STEAP3: variants seen among roughly 807,000 people sequenced by gnomAD.
The protein encoded by STEAP3 is STEAP3 metalloreductase, also known as metalloreductase STEAP3.
A neutral mutation model predicts 34.9 loss-of-function variants in STEAP3; 35 were observed. The observed-to-expected ratio is 1.00, with a 90% confidence interval of 0.76 to 1.33. STEAP3 has a LOEUF of 1.33. STEAP3 is among the 40% of genes most tolerant of loss of function. The probability of loss-of-function intolerance (pLI) is 0.00; values close to 1 mark genes in which losing one functional copy is unlikely to be tolerated. For synonymous variants in STEAP3, 281 were observed against 301.6 expected (o/e 0.93, Z 0.71); for missense variants, 652 against 667.6 (o/e 0.98, Z 0.26).
intron 2 of STEAP3, among the ~76,000 whole-genome samples, chr2:119,240,207 A>G (rs957065982): frequency 2.6e-5 from 4 of 152,252 alleles, no homozygotes; most frequent in Non-Finnish European, 5.9e-5. Context: ...CGTCTCAATA[A>G]ATAAATAACT....
At chr2:119,243,781 ACACAGCTGCTT>A (rs1345255134) in intron 2 of STEAP3, among the ~76,000 whole-genome samples, 3 of 152,244 alleles carry the variant, frequency 2.0e-5, no homozygotes, top group Non-Finnish European at 4.4e-5. Context: ...GTCTGAAGAC[ACACAGCTGCTT>A]CATAGCAGAG....
At chr2:119,257,324 G>A in intron 5 of STEAP3, 2 of 1,198,130 alleles carry the variant, frequency 1.7e-6, no homozygotes, top group Admixed American at 3.9e-5. Context: ...CAAATAGGCT[G>A]AAGCCAGAGC....
In STEAP3 at chr2:119,245,683, C is replaced by G. The variant is rs138657061; in HGVS notation, c.217C>G (p.Arg73Gly). The G allele has an allele frequency of 3.1e-6, 5 of 1,613,762 alleles. No homozygotes were observed. The South Asian group carries it at 4.4e-5, about 14-fold the overall frequency. The change falls in exon 3 of 6, where the codon CGC (arginine) becomes GGC (glycine). Residue 73 changes from arginine to glycine, a missense_variant. Transcript: ENST00000393110. ...KVVVGSRNPK[R>G]TARLFPSAAQ... ...GGTGGTGGGGAGCCGCAACCCCAAA[C>G]GCACAGCCAGGCTGTTTCCCTCAGC...
At chr2:119,258,627 AGACGGAGTCT>A (rs1677847218) in intron 5 of STEAP3, among the ~76,000 whole-genome samples, 2 of 53,740 alleles carry the variant, frequency 3.7e-5, no homozygotes, top group Non-Finnish European at 6.6e-5. Flanking sequence ...TTTTTTTTTG[AGACGGAGTCT>A]CACTCCGTCA....
chr2:119,249,685 C>T (rs576818187), intron 4 of STEAP3, among the ~76,000 whole-genome samples: 1 of 152,290 alleles, frequency 6.6e-6, no homozygotes, highest in Non-Finnish European at 1.5e-5. Context: ...CTGGGCACCT[C>T]CTGAGAACCA....
chr2:119,261,186 G>A (rs774399581), intron 5 of STEAP3, among the ~76,000 whole-genome samples: 1 of 152,052 alleles, frequency 6.6e-6, no homozygotes. Context: ...GAGCAAGAAC[G>A]GGGCCCAATG....
At chr2:119,247,317 G>A (rs894247761) in intron 3 of STEAP3, among the ~76,000 whole-genome samples, 1 of 152,238 alleles carries the variant, frequency 6.6e-6, no homozygotes, top group Non-Finnish European at 1.5e-5. Context: ...GCGGCTCCCA[G>A]GGCAGGCCAC....
intron 2 of STEAP3, among the ~76,000 whole-genome samples, chr2:119,233,933 C>T (rs561730395): frequency 6.6e-6 from 1 of 152,254 alleles, no homozygotes; most frequent in East Asian, 1.9e-4. Flanking sequence ...ATGACTCTTC[C>T]CATGCAGAGC....
intron 5 of STEAP3, chr2:119,257,431 G>C: frequency 1.4e-6 from 2 of 1,463,164 alleles, no homozygotes; most frequent in South Asian, 2.9e-5. Flanking sequence ...AGCTCCCTAA[G>C]TGACTGATAG....
intron 5 of STEAP3, among the ~76,000 whole-genome samples, chr2:119,262,473 C>T (rs1028239189): frequency 2.0e-5 from 3 of 152,146 alleles, no homozygotes; most frequent in African/African-American, 7.2e-5. Context: ...CTCTTGGGCT[C>T]AAGTGATCCT....
rs144255292 is a variant in STEAP3 at position 119,248,008 on chromosome 2, C to A, written c.852C>A (p.Gly284=). ...TGCTGTCACTCGTGTACTTGCCCGG[C>A]GTGCTGGCGGCTGCCCTGCAGCTGC... ...YVLLSLVYLP[G]VLAAALQLRR... Residue 284 remains glycine (G), a synonymous_variant, in exon 4 of 6, where the codon GGC becomes GGA. Transcript: ENST00000393110. The A allele has an allele frequency of 6.2e-7, 1 of 1,611,262 alleles. No homozygotes were observed. The highest frequency in any genetic ancestry group is 8.5e-7 in the Non-Finnish European group (1 of 1,179,880).
Position 119,248,267 on chromosome 2 carries a change from C to T in STEAP3, c.1050+61C>T, listed in dbSNP as rs1677512905. The stretch of plus-strand genomic sequence containing the variant: ...CAGCACATGCTTGTCCAGCACCTCC[C>T]CCCCCCACCAACCAGGTGCAGCCGA... On this transcript the variant is annotated intron_variant, in intron 4 of 5. Coordinates refer to ENST00000393110, the MANE Select transcript of STEAP3 (RefSeq NM_182915.3). 21 of 1,493,502 alleles carry T rather than the reference C, an allele frequency of 1.4e-5. No homozygotes were observed. In the Admixed American group the frequency reaches 3.9e-4, roughly 28 times the overall value. 92.5% of individuals were successfully genotyped at this position (1,493,502 alleles called of 1,614,324 possible).
Position 119,223,905 on chromosome 2 carries a change from C to T in STEAP3, c.-394+17C>T, listed in dbSNP as rs1678946183. The T allele has an allele frequency of 6.6e-6, 1 of 152,216 alleles. No homozygotes were observed. Among genetic ancestry groups the T allele is most frequent in the African/African-American group, 2.4e-5 (1 of 41,462 alleles). 9.4% of individuals were successfully genotyped at this position (152,216 alleles called of 1,614,324 possible). Reference sequence around the variant, plus strand: ...GCCGCAGAGGTGAGTGTACCCTCCCCCGGTCTCCGCGGGGCTGCGTGCTGC... The same window carrying T: ...GCCGCAGAGGTGAGTGTACCCTCCCTCGGTCTCCGCGGGGCTGCGTGCTGC... On this transcript the variant is annotated intron_variant, in intron 1 of 5. Coordinates refer to ENST00000393110, the MANE Select transcript of STEAP3 (RefSeq NM_182915.3).
At chr2:119,261,016 T>C (rs971744045) in intron 5 of STEAP3, among the ~76,000 whole-genome samples, 12 of 152,202 alleles carry the variant, frequency 7.9e-5, no homozygotes, top group African/African-American at 2.9e-4. Context: ...GTCTGTGAAA[T>C]TGTAGTGTGC....
At position 119,245,889 on chromosome 2, in the gene STEAP3, G is replaced by T. The variant is rs771073891; in HGVS notation, c.423G>T (p.Glu141Asp). ...EHLQHRESNA[E>D]YLASLFPTCT... Reference sequence around the variant, plus strand: ...TTCAGCATCGTGAGTCCAATGCTGAGTACCTGGCCTCCCTCTTCCCCACTT... The same window carrying T: ...TTCAGCATCGTGAGTCCAATGCTGATTACCTGGCCTCCCTCTTCCCCACTT... The change falls in exon 3 of 6, where the codon GAG becomes GAT. Residue 141 changes from glutamate (E) to aspartate (D), a missense_variant. Physicochemically the swap from Glu to Asp is conservative, Grantham distance 45. Coordinates refer to ENST00000393110, the MANE Select transcript of STEAP3 (RefSeq NM_182915.3). The T allele has an allele frequency of 1.2e-6, 2 of 1,614,038 alleles. No homozygotes were observed. Among genetic ancestry groups the T allele is most frequent in the Admixed American group, 3.3e-5 (2 of 60,024 alleles).
intron 3 of STEAP3, among the ~76,000 whole-genome samples, chr2:119,247,448 T>C (rs549207200): frequency 2.0e-5 from 3 of 152,256 alleles, no homozygotes; most frequent in African/African-American, 7.2e-5. Context: ...CCTCCTTGAG[T>C]AGTTGGCCTG....
intron 5 of STEAP3, chr2:119,257,858 A>T: frequency 2.2e-6 from 1 of 462,518 alleles, no homozygotes; most frequent in Non-Finnish European, 2.8e-6. Flanking sequence ...TGTTACCGGA[A>T]AAGGGTCCCG....
chr2:119,249,748 A>G (rs1013531308), intron 4 of STEAP3, among the ~76,000 whole-genome samples: 1 of 152,038 alleles, frequency 6.6e-6, no homozygotes, highest in African/African-American at 2.4e-5. Flanking sequence ...GCCAGCAGCT[A>G]CTCGACTGCC....
At chr2:119,228,149 A>G (rs1322917718) in intron 1 of STEAP3, among the ~76,000 whole-genome samples, 3 of 152,168 alleles carry the variant, frequency 2.0e-5, no homozygotes, top group African/African-American at 7.2e-5. Context: ...TTCTATAAGC[A>G]TCCGACTGGT....
Sources: gnomAD v4.1 joint callset for allele counts (sites outside exome capture counted in the v4.1 genomes callset) on GRCh38, gnomAD v4.1.1 for gene constraint, MANE v1.5 for transcripts, NCBI Gene and HGNC (gene_info 2026-07-23, HGNC 2026-07-21) for gene names.